Variants in CFAP47 observed in about 807,000 individuals in gnomAD.
CFAP47 encodes cilia and flagella associated protein 47, also known as cilia- and flagella-associated protein 47.
Under a neutral mutation model 148.1 loss-of-function variants are expected in CFAP47, and 29 were observed. The ratio of observed to expected loss-of-function variants is 0.20; its 90% CI spans 0.15 to 0.27. The LOEUF (loss-of-function observed/expected upper bound fraction) is 0.27. Among genes scored for constraint, CFAP47 ranks in the 10% least tolerant of loss-of-function variants. The probability of loss-of-function intolerance (pLI) is 1.00; values close to 1 mark genes in which losing one functional copy is unlikely to be tolerated. For missense variants in CFAP47, 1,872 were observed against 1,697.5 expected (o/e 1.10, Z -1.81); for synonymous variants, 664 against 577.3 (o/e 1.15, Z -2.15).
chrX:36,129,261 T>C (rs1049092952), intron 33 of CFAP47, among the ~76,000 whole-genome samples: 2 of 111,127 alleles, frequency 1.8e-5, no homozygotes, highest in Non-Finnish European at 3.8e-5. Flanking sequence ...TTGCATCTAT[T>C]CTATTATATG....
chrX:36,309,324 C>T (rs1168199948), intron 55 of CFAP47, among the ~76,000 whole-genome samples: 1 of 111,073 alleles, frequency 9.0e-6, no homozygotes, highest in Non-Finnish European at 1.9e-5. Context: ...AGTTCTGATT[C>T]TTCTTAACAA....
chrX:35,966,582 T>C lies in CFAP47; in HGVS notation c.1428T>C (p.Phe476=). 9.2e-7 allele frequency: 1 copy of C among 1,087,045 alleles called. No individual in the cohort carries two copies. 89.6% of individuals were successfully genotyped at this position (1,087,045 alleles called of 1,213,427 possible). The change falls in exon 9 of 64, where the codon TTT becomes TTC. Residue 476 remains phenylalanine (F), a synonymous_variant. Coordinates refer to ENST00000378653, the MANE Select transcript of CFAP47 (RefSeq NM_001304548.2). ...TTTTTTAGGATGTGATGTGTTCATT[T>C]GTTCCACATCAACTTGGAGTCTTCA... ...GGGMVDVMCS[F]VPHQLGVFKV...
intron 15 of CFAP47, among the ~76,000 whole-genome samples, chrX:35,976,320 T>G (rs925622862): frequency 5.4e-5 from 6 of 111,248 alleles, no homozygotes; most frequent in Admixed American, 2.9e-4. Context: ...AATTTATTAT[T>G]CCTCCTGGGA....
At chrX:36,036,326 T>C (rs138919501) in intron 24 of CFAP47, among the ~76,000 whole-genome samples, 1 of 110,120 alleles carries the variant, frequency 9.1e-6, no homozygotes, top group Non-Finnish European at 1.9e-5. Context: ...GTCTGACTTA[T>C]TTTACTTACA....
At chrX:36,051,794 T>C (rs893348909) in intron 26 of CFAP47, among the ~76,000 whole-genome samples, 2 of 111,174 alleles carry the variant, frequency 1.8e-5, no homozygotes, top group Non-Finnish European at 3.8e-5. Context: ...GGTTTGGCTA[T>C]GTCTCTACCC....
At chrX:36,125,443 A>G in intron 33 of CFAP47, among the ~76,000 whole-genome samples, 1 of 111,498 alleles carries the variant, frequency 9.0e-6, no homozygotes, top group Non-Finnish European at 1.9e-5. Flanking sequence ...TAAAATTTTT[A>G]TTATATTTAT....
chrX:36,195,810 G>T (rs782060173), intron 42 of CFAP47, among the ~76,000 whole-genome samples: 1 of 111,474 alleles, frequency 9.0e-6, no homozygotes, highest in Admixed American at 9.6e-5. Flanking sequence ...GAGCAAATTG[G>T]TGACACATTT....
chrX:36,107,891 C>T (rs1341258886), intron 33 of CFAP47, among the ~76,000 whole-genome samples: 1 of 111,347 alleles, frequency 9.0e-6, no homozygotes, highest in Non-Finnish European at 1.9e-5. Flanking sequence ...TCTTCCTTTA[C>T]GTGCCTTACA....
intron 57 of CFAP47, among the ~76,000 whole-genome samples, chrX:36,346,227 GT>G (rs1158501873): frequency 9.2e-6 from 1 of 108,868 alleles, no homozygotes; most frequent in African/African-American, 3.3e-5. Context: ...GTGTGTGTGT[GT>G]TTTTTTTTAA....
At chrX:35,991,037 C>A (rs980067643) in intron 16 of CFAP47, among the ~76,000 whole-genome samples, 4 of 111,737 alleles carry the variant, frequency 3.6e-5, no homozygotes, top group African/African-American at 1.3e-4. Flanking sequence ...ACATTAAAAA[C>A]TGCATATGTT....
chrX:36,247,411 CT>C (rs1489191065), intron 48 of CFAP47, among the ~76,000 whole-genome samples: 1 of 110,638 alleles, frequency 9.0e-6, no homozygotes. Context: ...CAAGTAACCC[CT>C]GTATCTAAAA....
At chrX:36,073,708 C>G (rs1379783716) in intron 29 of CFAP47, among the ~76,000 whole-genome samples, 1 of 110,887 alleles carries the variant, frequency 9.0e-6, no homozygotes, top group Non-Finnish European at 1.9e-5. Flanking sequence ...AGATTATAGC[C>G]AGGTAGACAG....
chrX:36,294,128 T>C (rs1015075343), intron 51 of CFAP47, among the ~76,000 whole-genome samples: 1 of 111,552 alleles, frequency 9.0e-6, no homozygotes, highest in South Asian at 3.8e-4. Flanking sequence ...GGAACTTATA[T>C]AGTCACCTGG....
chrX:36,212,999 G>T (rs1030215962), intron 45 of CFAP47, among the ~76,000 whole-genome samples: 2 of 110,994 alleles, frequency 1.8e-5, no homozygotes, highest in Non-Finnish European at 3.8e-5. Context: ...TGTGATCCTG[G>T]CTACTCCGGA....
Position 36,319,276 on chromosome X carries a change from CT to C in CFAP47, c.8414del (p.Phe2805SerfsTer20). 1 of 1,114,169 alleles carries C rather than the reference CT, an allele frequency of 9.0e-7. No individual in the cohort carries two copies. Among genetic ancestry groups the C allele is most frequent in the Non-Finnish European group, 1.2e-6 (1 of 834,868 alleles). The allele number at this position is 1,114,169 out of a possible 1,213,427, so 91.8% of individuals were successfully genotyped here. A position where few individuals can be genotyped will look rare whatever the true frequency, so the allele number is the denominator to read the frequency against. On this transcript the variant is annotated frameshift_variant, in exon 57 of 64. Coordinates refer to ENST00000378653, the MANE Select transcript of CFAP47 (RefSeq NM_001304548.2). LOFTEE classifies it high-confidence loss of function. The part of the protein sequence containing the change: ...WDSFIYESSA[F>X]RFSSPSEIQG... ...ATAGCTTCATCTATGAGAGTTCTGCCTTCAGATTTAGTTCTCCGAGTGAAAT... is the reference window on the plus strand; with the variant it reads ...ATAGCTTCATCTATGAGAGTTCTGCCTCAGATTTAGTTCTCCGAGTGAAAT...
chrX:36,371,481 T>C (rs1344000029), intron 62 of CFAP47, among the ~76,000 whole-genome samples: 2 of 107,064 alleles, frequency 1.9e-5, no homozygotes, highest in African/African-American at 6.7e-5. Flanking sequence ...AGAAAACTAA[T>C]TGTAGGGCTG....
chrX:35,994,465 T>C (rs1395899462), intron 18 of CFAP47, among the ~76,000 whole-genome samples: 3 of 111,444 alleles, frequency 2.7e-5, no homozygotes, highest in African/African-American at 6.5e-5. Context: ...TGAATAACTT[T>C]AAGTATATCT....
chrX:36,138,801 A>C (rs1410790451), intron 35 of CFAP47, among the ~76,000 whole-genome samples: 1 of 105,665 alleles, frequency 9.5e-6, no homozygotes, highest in Non-Finnish European at 1.9e-5. Flanking sequence ...TATAGATGTC[A>C]TATTATTATC....
rs187267276 is a variant in CFAP47, at chrX:35,966,153, T to A, written c.1411-412T>A. On this transcript the variant is annotated intron_variant, in intron 8 of 63. Coordinates refer to ENST00000378653, the MANE Select transcript of CFAP47 (RefSeq NM_001304548.2). ...AAATTATTTAAGAAAAATAATTTTT[T>A]AAATAATTTTTTAAATAATTTCATT... is the stretch of plus-strand genomic sequence containing the variant. Among the ~76,000 whole-genome samples, 495 of 105,762 alleles carry A rather than the reference T, an allele frequency of 4.7e-3. 3 individuals are homozygous for A. The highest frequency in any genetic ancestry group is 0.016 in the African/African-American group (475 of 29,497). 91.8% of individuals were successfully genotyped at this position (105,762 alleles called of 115,157 possible).
Sources: gnomAD v4.1 joint callset for allele counts (sites outside exome capture counted in the v4.1 genomes callset) on GRCh38, gnomAD v4.1.1 for gene constraint, MANE v1.5 for transcripts, NCBI Gene and HGNC (gene_info 2026-07-23, HGNC 2026-07-21) for gene names.